LRP1B: variants seen among roughly 807,000 people sequenced by gnomAD.
LRP1B encodes low-density lipoprotein receptor-related protein 1B.
Under a neutral mutation model 556.6 loss-of-function variants are expected in LRP1B, and 217 were observed. The ratio of observed to expected loss-of-function variants is 0.39; its 90% CI spans 0.35 to 0.44. LRP1B has a LOEUF of 0.44. LRP1B is among the 20% of genes least tolerant of loss of function. The pLI is 1.00. For synonymous variants in LRP1B, 2,047 were observed against 1,865.8 expected (o/e 1.10, Z -2.50); for missense variants, 5,053 against 5,620.8 (o/e 0.90, Z 3.23).
At chr2:141,623,745 G>A (rs1688590460) in intron 2 of LRP1B, among the ~76,000 whole-genome samples, 1 of 151,782 alleles carries the variant, frequency 6.6e-6, no homozygotes, top group Non-Finnish European at 1.5e-5. Flanking sequence ...GGCCAAGCGG[G>A]GTGGCTCAAG....
chr2:141,102,811 A>C (rs1303285759), intron 7 of LRP1B, among the ~76,000 whole-genome samples: 1 of 152,120 alleles, frequency 6.6e-6, no homozygotes, highest in African/African-American at 2.4e-5. Context: ...ACAGTTACCC[A>C]GTTCAGTTTT....
chr2:141,109,730 C>T (rs945721683), intron 7 of LRP1B, among the ~76,000 whole-genome samples: 11 of 151,544 alleles, frequency 7.3e-5, no homozygotes, highest in African/African-American at 2.7e-4. Flanking sequence ...AAAGTGAAGA[C>T]TGTCATGGCC....
chr2:140,344,248 T>A lies in LRP1B; in HGVS notation c.11892+6549A>T, dbSNP rs559907502. On this transcript the variant is annotated intron_variant, in intron 77 of 90. Transcript: ENST00000389484. ...TTTCACTTTTTGGCATTCTGACTGCTGGGTTGTGAGTGAAAAGTGCAGCAA... is the reference window on the plus strand; with the variant it reads ...TTTCACTTTTTGGCATTCTGACTGCAGGGTTGTGAGTGAAAAGTGCAGCAA... Among the ~76,000 whole-genome samples the A allele has an allele frequency of 2.6e-5, 4 of 151,912 alleles. No individual in the cohort carries two copies. The East Asian group carries it at 7.8e-4, about 30-fold the overall frequency.
intron 2 of LRP1B, among the ~76,000 whole-genome samples, chr2:141,710,815 G>C (rs1370329): frequency 0.089 from 13,466 of 152,120 alleles, 760 homozygotes; most frequent in South Asian, 0.15. Context: ...AGGTCATCTC[G>C]ACATTCATTA....
At chr2:141,032,765 A>T (rs1574000941) in intron 11 of LRP1B, among the ~76,000 whole-genome samples, 1 of 145,756 alleles carries the variant, frequency 6.9e-6, no homozygotes, top group Non-Finnish European at 1.5e-5. Context: ...TGCCTTTTTC[A>T]TAGAAATGTG....
chr2:141,459,246 T>A (rs1375061769), intron 3 of LRP1B, among the ~76,000 whole-genome samples: 1 of 152,112 alleles, frequency 6.6e-6, no homozygotes, highest in East Asian at 1.9e-4. Flanking sequence ...CACACACGTG[T>A]ATGTATATGT....
At position 140,401,259 on chromosome 2, in the gene LRP1B, T is replaced by A. The variant is rs76440364; in HGVS notation, c.10415-15250A>T. On this transcript the variant is annotated intron_variant, in intron 66 of 90. Transcript: ENST00000389484. Reference sequence around the variant, plus strand: ...CTGTTGCTGTCTCTGCAGGGAAAGCTTATGGCCTGGGGCAAGTTTGGGTTC... The same window carrying A: ...CTGTTGCTGTCTCTGCAGGGAAAGCATATGGCCTGGGGCAAGTTTGGGTTC... 1.9e-3 allele frequency among the ~76,000 whole-genome samples: 296 copies of A among 152,206 alleles called. 2 individuals carry two copies. Among genetic ancestry groups the A allele is most frequent in the African/African-American group, 6.8e-3 (281 of 41,532 alleles).
intron 87 of LRP1B, among the ~76,000 whole-genome samples, chr2:140,243,556 GTATA>G (rs1681038216): frequency 6.6e-6 from 1 of 151,186 alleles, no homozygotes; most frequent in Non-Finnish European, 1.5e-5. Flanking sequence ...TAAATGTAGA[GTATA>G]TATATTTGTT....
chr2:140,720,497 C>T, intron 35 of LRP1B, among the ~76,000 whole-genome samples: 2 of 151,936 alleles, frequency 1.3e-5, no homozygotes, highest in East Asian at 3.9e-4. Context: ...AAGGGAAAAC[C>T]ATATATTGCT....
At chr2:141,802,636 G>A (rs957302328) in intron 2 of LRP1B, among the ~76,000 whole-genome samples, 4 of 152,022 alleles carry the variant, frequency 2.6e-5, no homozygotes, top group Non-Finnish European at 4.4e-5. Context: ...AGAAAAAAAG[G>A]CATCACCATT....
At chr2:141,446,975 G>A (rs1394342316) in intron 3 of LRP1B, among the ~76,000 whole-genome samples, 1 of 152,098 alleles carries the variant, frequency 6.6e-6, no homozygotes, top group Non-Finnish European at 1.5e-5. Flanking sequence ...CTAGGTTGGG[G>A]AAGTTCTCCT....
chr2:141,035,293 C>T (rs558978735), intron 11 of LRP1B, among the ~76,000 whole-genome samples: 1,776 of 151,964 alleles, frequency 0.012, 16 homozygotes, highest in Middle Eastern at 0.031. Context: ...CAGCATGGCA[C>T]ATGTATACAT....
At chr2:140,888,084 G>A (rs571663772) in intron 23 of LRP1B, among the ~76,000 whole-genome samples, 62 of 152,130 alleles carry the variant, frequency 4.1e-4, no homozygotes, top group African/African-American at 1.4e-3. Flanking sequence ...AACTTGTAAA[G>A]GGCATAAAAC....
At chr2:140,357,062 AC>A (rs1682257498) in intron 74 of LRP1B, among the ~76,000 whole-genome samples, 1 of 151,798 alleles carries the variant, frequency 6.6e-6, no homozygotes, top group Non-Finnish European at 1.5e-5. Flanking sequence ...ACAAAAAGTT[AC>A]TTGTAATTTC....
At chr2:141,560,804 A>G (rs1466767847) in intron 2 of LRP1B, among the ~76,000 whole-genome samples, 1 of 151,692 alleles carries the variant, frequency 6.6e-6, no homozygotes, top group African/African-American at 2.4e-5. Flanking sequence ...ATAATTAAGT[A>G]TACTTAGTAG....
intron 83 of LRP1B, among the ~76,000 whole-genome samples, chr2:140,300,528 C>T (rs544933731): frequency 6.6e-6 from 1 of 152,238 alleles, no homozygotes; most frequent in Admixed American, 6.5e-5. Flanking sequence ...AGTTGACAGC[C>T]TACAAGGGTA....
chr2:141,752,096 T>C (rs1296758349), intron 2 of LRP1B, among the ~76,000 whole-genome samples: 1 of 152,090 alleles, frequency 6.6e-6, no homozygotes, highest in Non-Finnish European at 1.5e-5. Flanking sequence ...TGGTATTTTA[T>C]ATGTAATAGA....
chr2:141,822,416 A>G (rs558692913), intron 1 of LRP1B, among the ~76,000 whole-genome samples: 1 of 152,280 alleles, frequency 6.6e-6, no homozygotes, highest in African/African-American at 2.4e-5. Context: ...AAAGTTTGAC[A>G]TCTCCCTCGT....
chr2:141,261,368 A>G (rs1330188095), intron 3 of LRP1B, among the ~76,000 whole-genome samples: 1 of 152,164 alleles, frequency 6.6e-6, no homozygotes, highest in Non-Finnish European at 1.5e-5. Flanking sequence ...AATGAAGTCC[A>G]TATTTTAAAT....
Sources: gnomAD v4.1 joint callset for allele counts (sites outside exome capture counted in the v4.1 genomes callset) on GRCh38, gnomAD v4.1.1 for gene constraint, MANE v1.5 for transcripts, NCBI Gene and HGNC (gene_info 2026-07-23, HGNC 2026-07-21) for gene names.